The following GRM5 variants were observed in gnomAD, a reference collection of about 807,000 sequenced individuals.
The protein encoded by GRM5 is glutamate metabotropic receptor 5.
In GRM5, 19 loss-of-function variants were observed where a neutral mutation model predicts 83.1. The observed-to-expected ratio is 0.23, with a 90% CI of 0.16 to 0.34. The LOEUF is 0.34. Ranked by LOEUF, GRM5 falls within the 10% of genes least tolerant of loss-of-function variation. The probability of loss-of-function intolerance (pLI) is 1.00; values close to 1 mark genes in which losing one functional copy is unlikely to be tolerated. For missense variants in GRM5, 1,160 were observed against 1,588.3 expected, an observed-to-expected ratio of 0.73 and a Z score of 4.58; for synonymous variants, 675 against 633.6, an observed-to-expected ratio of 1.07 and a Z score of -0.98.
At chr11:88,517,102 T>C (rs1490268025) in intron 9 of GRM5, among the ~76,000 whole-genome samples, 1 of 150,428 alleles carries the variant, frequency 6.6e-6, no homozygotes, top group Non-Finnish European at 1.5e-5. Context: ...TACTTTTTTC[T>C]TACAATTGTA....
At chr11:88,879,896 G>A (rs1944923216) in intron 2 of GRM5, among the ~76,000 whole-genome samples, 2 of 152,130 alleles carry the variant, frequency 1.3e-5, no homozygotes, top group South Asian at 4.2e-4. Flanking sequence ...TTTCCATTAG[G>A]ATGGAAGGTG....
At chr11:88,809,683 C>T (rs1943556565) in intron 3 of GRM5, among the ~76,000 whole-genome samples, 1 of 151,326 alleles carries the variant, frequency 6.6e-6, no homozygotes. Context: ...GAAAACAAGG[C>T]AGCATTAAAG....
intron 1 of GRM5, among the ~76,000 whole-genome samples, chr11:89,051,624 C>T (rs1453829062): frequency 6.6e-6 from 1 of 151,484 alleles, no homozygotes; most frequent in Non-Finnish European, 1.5e-5. Context: ...GCAGGAGAAT[C>T]GCTTGAACCT....
intron 3 of GRM5, among the ~76,000 whole-genome samples, chr11:88,732,339 T>A (rs1176396897): frequency 1.3e-5 from 2 of 152,030 alleles, no homozygotes; most frequent in Non-Finnish European, 2.9e-5. Flanking sequence ...ATTAGTTGAG[T>A]TGTAGTGTTA....
chr11:88,605,676 G>T (rs187693404), intron 4 of GRM5, among the ~76,000 whole-genome samples: 1 of 152,272 alleles, frequency 6.6e-6, no homozygotes, highest in Non-Finnish European at 1.5e-5. Flanking sequence ...ACAGTGAAAG[G>T]TAGAATATAA....
intron 8 of GRM5, among the ~76,000 whole-genome samples, chr11:88,560,455 T>C (rs1230400144): frequency 6.6e-6 from 1 of 152,154 alleles, no homozygotes; most frequent in African/African-American, 2.4e-5. Flanking sequence ...TATCTCTGTA[T>C]CCCTAGGATC....
At chr11:88,633,756 A>G (rs1939044479) in intron 4 of GRM5, among the ~76,000 whole-genome samples, 1 of 152,190 alleles carries the variant, frequency 6.6e-6, no homozygotes, top group Non-Finnish European at 1.5e-5. Flanking sequence ...CCTGGCCTAT[A>G]ATGATTCTCT....
intron 2 of GRM5, among the ~76,000 whole-genome samples, chr11:88,954,809 G>A (rs1035208029): frequency 1.6e-4 from 25 of 152,286 alleles, no homozygotes; most frequent in Admixed American, 9.8e-4. Context: ...GCTGCTTGCT[G>A]TTAATTGTTC....
At chr11:88,856,764 T>C (rs1470162150) in intron 2 of GRM5, among the ~76,000 whole-genome samples, 1 of 152,006 alleles carries the variant, frequency 6.6e-6, no homozygotes, top group East Asian at 1.9e-4. Flanking sequence ...GACATGATGA[T>C]AGCTATGACA....
intron 4 of GRM5, among the ~76,000 whole-genome samples, chr11:88,616,297 G>A (rs1938479412): frequency 6.6e-6 from 1 of 151,162 alleles, no homozygotes; most frequent in Admixed American, 6.6e-5. Flanking sequence ...TGTTCTTTGA[G>A]GAATAAAAGA....
chr11:88,923,053 C>T (rs1420583161), intron 2 of GRM5, among the ~76,000 whole-genome samples: 1 of 152,138 alleles, frequency 6.6e-6, no homozygotes, highest in East Asian at 1.9e-4. Context: ...TAAAATGGCT[C>T]TTATCCAAAA....
intron 8 of GRM5, among the ~76,000 whole-genome samples, chr11:88,558,385 G>A (rs934278820): frequency 3.3e-5 from 5 of 152,082 alleles, no homozygotes; most frequent in Admixed American, 2.6e-4. Context: ...CAGTGTTTCT[G>A]CAGTTCCTCA....
intron 4 of GRM5, among the ~76,000 whole-genome samples, chr11:88,650,627 G>A (rs1370243298): frequency 6.6e-6 from 1 of 151,940 alleles, no homozygotes; most frequent in African/African-American, 2.4e-5. Context: ...TAAGAAACTA[G>A]GGTCAAAAGT....
intron 8 of GRM5, among the ~76,000 whole-genome samples, chr11:88,551,713 T>TGTGGA (rs1942513020): frequency 6.6e-6 from 1 of 152,198 alleles, no homozygotes; most frequent in African/African-American, 2.4e-5. Context: ...CACACTTCAG[T>TGTGGA]GTCCTCATCA....
intron 2 of GRM5, among the ~76,000 whole-genome samples, chr11:88,898,467 A>G (rs1367431280): frequency 9.9e-5 from 15 of 151,978 alleles, no homozygotes; most frequent in Admixed American, 9.9e-4. Context: ...CAGTTTCCTT[A>G]TATGAAAAAT....
chr11:88,847,896 G>A (rs565494958), intron 3 of GRM5, among the ~76,000 whole-genome samples: 2 of 152,184 alleles, frequency 1.3e-5, no homozygotes, highest in South Asian at 4.1e-4. Flanking sequence ...ATGGAAAATG[G>A]CAAATATTAT....
intron 3 of GRM5, among the ~76,000 whole-genome samples, chr11:88,750,756 C>G (rs1942251551): frequency 6.6e-6 from 1 of 152,010 alleles, no homozygotes; most frequent in Admixed American, 6.6e-5. Context: ...AATTAGAACT[C>G]AATATTAAGA....
chr11:88,993,426 G>T (rs1940063001), intron 2 of GRM5, among the ~76,000 whole-genome samples: 1 of 152,006 alleles, frequency 6.6e-6, no homozygotes. Context: ...TTTAACTCTG[G>T]GCTCTCTATT....
At chr11:88,726,304 C>T (rs1941679187) in intron 3 of GRM5, among the ~76,000 whole-genome samples, 1 of 151,974 alleles carries the variant, frequency 6.6e-6, no homozygotes, top group African/African-American at 2.4e-5. Flanking sequence ...TGAAGATCAA[C>T]TTAATGAAAT....
Sources: allele counts gnomAD v4.1 joint callset (sites outside exome capture counted in the v4.1 genomes callset), GRCh38; gene constraint gnomAD v4.1.1; transcripts MANE v1.5; gene names NCBI Gene and HGNC (gene_info 2026-07-23, HGNC 2026-07-21).